TTC23L: variants seen among roughly 807,000 people sequenced by gnomAD.
TTC23L encodes the protein tetratricopeptide repeat protein 23-like.
A neutral mutation model predicts 48.1 loss-of-function variants in TTC23L; 42 were observed. The ratio of observed to expected loss-of-function variants is 0.87; its 90% CI spans 0.68 to 1.13. The LOEUF (loss-of-function observed/expected upper bound fraction) is 1.13, where lower values mean the gene tolerates loss of function less well. Ranked by LOEUF, TTC23L falls within the 50% of genes most tolerant of loss-of-function variation. TTC23L has a pLI of 0.00. For synonymous variants in TTC23L, 159 were observed against 157.2 expected, an observed-to-expected ratio of 1.01 and a Z score of -0.09; for missense variants, 391 against 421.0, an observed-to-expected ratio of 0.93 and a Z score of 0.62.
At chr5:34,891,203 G>A (rs1416680952) in intron 9 of TTC23L, among the ~76,000 whole-genome samples, 1 of 152,120 alleles carries the variant, frequency 6.6e-6, no homozygotes, top group Non-Finnish European at 1.5e-5. Flanking sequence ...AGGCTTCTTT[G>A]TATCACCGTA....
At chr5:34,907,383 A>G in the TTC23L span, 17 of 152,338 alleles carry the variant, frequency 1.1e-4, no homozygotes, top group Middle Eastern at 0.01. Context: ...TTTTTATCCT[A>G]AAGAACTGTC....
At chr5:34,887,373 G>A (rs915319939) in intron 9 of TTC23L, among the ~76,000 whole-genome samples, 3 of 152,144 alleles carry the variant, frequency 2.0e-5, no homozygotes, top group African/African-American at 7.2e-5. Flanking sequence ...GAAATGAGAT[G>A]AAATGGAAAA....
chr5:34,880,770 C>T lies in TTC23L; in HGVS notation c.1077+462C>T, dbSNP rs574021437. The T allele has an allele frequency of 1.4e-3, 399 of 295,540 alleles. 2 individuals carry two copies. Among genetic ancestry groups the T allele is most frequent in the African/African-American group, 8.7e-3 (377 of 43,260 alleles). The allele number at this position is 295,540 out of a possible 1,614,324, so 18.3% of individuals were successfully genotyped here. On this transcript the variant is annotated intron_variant, in intron 9 of 10. Coordinates refer to ENST00000505624, the Ensembl canonical transcript of TTC23L. ...TTGCCTGCCTCAGCCTCCCAAGTAG[C>T]TGGGATTACAGGCATGCGCCACCAT...
chr5:34,914,946 G>A, the TTC23L span: 10 of 1,595,560 alleles, frequency 6.3e-6, no homozygotes, highest in African/African-American at 1.3e-5. Context: ...CAACTTCTCG[G>A]CGGATCGCCA....
chr5:34,918,707 C>T, the TTC23L span: 1 of 359,452 alleles, frequency 2.8e-6, no homozygotes, highest in South Asian at 6.4e-5. Flanking sequence ...ATTATTGAAA[C>T]ATTTCTTGAA....
chr5:34,922,341 T>C, the TTC23L span: 5 of 1,182,648 alleles, frequency 4.2e-6, no homozygotes, highest in South Asian at 4.1e-5. Flanking sequence ...ATTTGTTCTT[T>C]GTACCTTTTA....
chr5:34,909,240 T>A, the TTC23L span: 1 of 1,538,726 alleles, frequency 6.5e-7, no homozygotes, highest in South Asian at 1.2e-5. Context: ...AATGACAACC[T>A]CTATATTAAG....
chr5:34,911,415 T>C, the TTC23L span: 6 of 1,010,482 alleles, frequency 5.9e-6, no homozygotes, highest in Non-Finnish European at 8.7e-6. Context: ...CATAAAATTA[T>C]GAGGTAAGAG....
the TTC23L span, chr5:34,915,022 G>T: frequency 1.1e-6 from 1 of 943,054 alleles, no homozygotes. Flanking sequence ...AGCTCCACCT[G>T]CGCTGAGAGG....
At position 34,894,315 on chromosome 5, in the gene TTC23L, C is replaced by T. The variant is rs943809663; in HGVS notation, c.1078-2455C>T. Among the ~76,000 whole-genome samples, 4 of 152,164 alleles carry T rather than the reference C, an allele frequency of 2.6e-5. No homozygotes were observed. In the South Asian group the frequency reaches 6.2e-4, roughly 24 times the overall value. ...ATGTCTACCAGTAGAAATACTAGTA[C>T]ATTTTTATTGCCATATAATATGGTC... On this transcript the variant is annotated intron_variant, in intron 9 of 10. Coordinates refer to ENST00000505624, the Ensembl canonical transcript of TTC23L.
At chr5:34,866,013 CT>C (rs1761026416) in intron 6 of TTC23L, among the ~76,000 whole-genome samples, 1 of 152,188 alleles carries the variant, frequency 6.6e-6, no homozygotes, top group Non-Finnish European at 1.5e-5. Context: ...GAAATGTAGG[CT>C]TATAGAGTTT....
chr5:34,869,353 G>A (rs1761290081), intron 8 of TTC23L: 1 of 208,326 alleles, frequency 4.8e-6, no homozygotes, highest in African/African-American at 2.3e-5. Context: ...TAAATGGGTA[G>A]AGCTTTACCT....
chr5:34,915,275 C>T, the TTC23L span: 31 of 281,572 alleles, frequency 1.1e-4, no homozygotes, highest in African/African-American at 6.7e-4. Context: ...CCAGCCCCGC[C>T]TCCAACAAAA....
chr5:34,869,152 C>T, intron 8 of TTC23L, 139 bp downstream of exon 8: 1 of 637,400 alleles, frequency 1.6e-6, no homozygotes, highest in Non-Finnish European at 2.8e-6. Flanking sequence ...CATACAAAAT[C>T]AATTACACAT....
intron 8 of TTC23L, among the ~76,000 whole-genome samples, chr5:34,871,341 G>A (rs952278934): frequency 4.6e-5 from 7 of 151,948 alleles, no homozygotes; most frequent in African/African-American, 7.3e-5. Context: ...AAATATTTAG[G>A]TATAAATCTA....
chr5:34,846,579 AT>A (rs1561120242), intron 3 of TTC23L, among the ~76,000 whole-genome samples: 1,522 of 62,098 alleles, frequency 0.025, 195 homozygotes, highest in African/African-American at 0.039. Context: ...AAAAAAAAAT[AT>A]ATATATATAT....
At chr5:34,851,255 T>C (rs1196066688) in intron 4 of TTC23L, among the ~76,000 whole-genome samples, 4 of 152,176 alleles carry the variant, frequency 2.6e-5, no homozygotes, top group South Asian at 4.1e-4. Flanking sequence ...AAATGCTTTA[T>C]GGGCTTAAGT....
chr5:34,895,840 T>C (rs1439744441), intron 9 of TTC23L, among the ~76,000 whole-genome samples: 3 of 152,208 alleles, frequency 2.0e-5, no homozygotes, highest in African/African-American at 7.2e-5. Context: ...GGCAAGACCT[T>C]AGTGATGAAA....
At chr5:34,876,120 G>T (rs2111590837) in intron 8 of TTC23L, among the ~76,000 whole-genome samples, 1 of 152,016 alleles carries the variant, frequency 6.6e-6, no homozygotes, top group East Asian at 1.9e-4. Flanking sequence ...AAAAATTTGT[G>T]GGATGCAGCA....
Sources: allele counts gnomAD v4.1 joint callset (sites outside exome capture counted in the v4.1 genomes callset), GRCh38; gene constraint gnomAD v4.1.1; transcripts MANE v1.5; gene names NCBI Gene and HGNC (gene_info 2026-07-23, HGNC 2026-07-21).